The following MYO3A variants were observed in gnomAD, a reference collection of about 807,000 sequenced individuals.
MYO3A encodes the protein myosin IIIA.
In MYO3A, 180 loss-of-function variants were observed where a neutral mutation model predicts 192.7. The ratio of observed to expected loss-of-function variants is 0.93; its 90% confidence interval spans 0.83 to 1.06. The LOEUF (loss-of-function observed/expected upper bound fraction) is 1.06. Ranked by LOEUF, MYO3A falls within the 50% of genes least tolerant of loss-of-function variation. The probability of loss-of-function intolerance (pLI) is 0.00; values close to 1 mark genes in which losing one functional copy is unlikely to be tolerated. For synonymous variants in MYO3A, 628 were observed against 645.3 expected (o/e 0.97, Z 0.41); for missense variants, 1,896 against 1,905.0 (o/e 1.00, Z 0.09).
intron 17 of MYO3A, among the ~76,000 whole-genome samples, chr10:26,105,462 A>G (rs1449297938): frequency 6.6e-6 from 1 of 152,128 alleles, no homozygotes; most frequent in Admixed American, 6.5e-5. Flanking sequence ...AATATATTTG[A>G]ACATCTTTCT....
Position 25,966,051 on chromosome 10 carries a change from A to G in MYO3A, c.303+11043A>G, listed in dbSNP as rs1188463617. On this transcript the variant is annotated intron_variant, in intron 4 of 34. Transcript: ENST00000642920. ...GTGCTCACCAGATTTTCGGTTCTTA[A>G]GAAGGTGTTTTTTTCTGTGTACATA... Among the ~76,000 whole-genome samples the G allele has an allele frequency of 2.6e-5, 4 of 151,892 alleles. No individual in the cohort carries two copies. In the East Asian group the frequency reaches 7.7e-4, roughly 29 times the overall value.
intron 2 of MYO3A, among the ~76,000 whole-genome samples, chr10:25,941,948 T>C (rs1398066375): frequency 6.6e-6 from 1 of 152,098 alleles, no homozygotes; most frequent in Non-Finnish European, 1.5e-5. Context: ...AAGTTTCCTT[T>C]CTTTTTAAGG....
chr10:25,942,762 T>C (rs1249940513), intron 2 of MYO3A, among the ~76,000 whole-genome samples: 1 of 149,906 alleles, frequency 6.7e-6, no homozygotes, highest in African/African-American at 2.5e-5. Context: ...AAACTTCTAG[T>C]CAAATCCTTT....
At chr10:26,062,456 G>T (rs190919302) in intron 10 of MYO3A, among the ~76,000 whole-genome samples, 1 of 141,558 alleles carries the variant, frequency 7.1e-6, no homozygotes, top group African/African-American at 2.6e-5. Flanking sequence ...GGCAGAGGTT[G>T]CAGTGAGCCG....
Position 26,110,371 on chromosome 10 carries a change from G to A in MYO3A, c.1777-10305G>A, listed in dbSNP as rs377212779. Reference sequence around the variant, plus strand: ...CTATAAAATGGAACAAAAATCCATTGTTTAATGCATTTTCTCTGAGGGCTT... The same window carrying A: ...CTATAAAATGGAACAAAAATCCATTATTTAATGCATTTTCTCTGAGGGCTT... On this transcript the variant is annotated intron_variant, in intron 17 of 34. Transcript: ENST00000642920. Among the ~76,000 whole-genome samples the A allele has an allele frequency of 2.0e-5, 3 of 152,240 alleles. No homozygotes were observed. The East Asian group carries it at 5.8e-4, about 29-fold the overall frequency.
intron 32 of MYO3A, among the ~76,000 whole-genome samples, chr10:26,193,527 C>T (rs1336741271): frequency 1.3e-5 from 2 of 152,150 alleles, no homozygotes; most frequent in African/African-American, 2.4e-5. Context: ...CATGGTAGTA[C>T]CTACCATGTC....
At chr10:26,210,363 C>T (rs988868247) in intron 34 of MYO3A, among the ~76,000 whole-genome samples, 1 of 152,146 alleles carries the variant, frequency 6.6e-6, no homozygotes, top group Non-Finnish European at 1.5e-5. Context: ...AATGACAGTT[C>T]CATCCTTCCA....
intron 2 of MYO3A, among the ~76,000 whole-genome samples, chr10:25,939,299 T>C (rs931506092): frequency 6.6e-6 from 1 of 151,960 alleles, no homozygotes; most frequent in Non-Finnish European, 1.5e-5. Flanking sequence ...TAAAAAAAAT[T>C]ATCTTTAAAG....
At position 25,997,234 on chromosome 10, in the gene MYO3A, G is replaced by A. The variant is rs1382042407; in HGVS notation, c.484G>A (p.Gly162Ser). 6 of 1,613,102 alleles carry A rather than the reference G, an allele frequency of 3.7e-6. No individual in the cohort carries two copies. Among genetic ancestry groups the A allele is most frequent in the Non-Finnish European group, 4.2e-6 (5 of 1,179,270 alleles). ...KGNNILLTTE[G>S]GVKLVDFGVS... is the part of the protein sequence containing the mutation. ...CAATAACATTCTATTGACCACGGAA[G>A]GTGGAGTGAAACTAGTAGATTTTGG... The change falls in exon 6 of 35, where the codon GGT becomes AGT. Residue 162 changes from glycine to serine, a missense_variant. Physicochemically the swap from Gly to Ser is moderately conservative, Grantham distance 56. Coordinates refer to ENST00000642920, the MANE Select transcript of MYO3A (RefSeq NM_017433.5).
At chr10:26,027,841 A>G (rs1842625648) in intron 10 of MYO3A, among the ~76,000 whole-genome samples, 1 of 152,136 alleles carries the variant, frequency 6.6e-6, no homozygotes, top group African/African-American at 2.4e-5. Context: ...GGTAGTTACT[A>G]ATTGTTTTTA....
At chr10:26,090,844 G>A (rs908887705) in intron 15 of MYO3A, among the ~76,000 whole-genome samples, 1 of 152,210 alleles carries the variant, frequency 6.6e-6, no homozygotes, top group Admixed American at 6.5e-5. Flanking sequence ...GAAGCCCATG[G>A]ACTAACAGGG....
intron 10 of MYO3A, among the ~76,000 whole-genome samples, chr10:26,030,581 C>T (rs765287156): frequency 7.2e-5 from 11 of 152,056 alleles, no homozygotes; most frequent in African/African-American, 1.7e-4. Context: ...TTGAAGATCA[C>T]GAAAAATAAC....
rs149778082 is a variant in MYO3A, at chr10:26,199,283, C to T, written c.4546-1982C>T. ...TATTCTAACACAAGGCCACGCGCAG[C>T]GGCTCACACCTGTAATCCCAGCACT... On this transcript the variant is annotated intron_variant, in intron 32 of 34. Coordinates refer to ENST00000642920, the MANE Select transcript of MYO3A (RefSeq NM_017433.5). 4.0e-3 allele frequency among the ~76,000 whole-genome samples: 615 copies of T among 152,264 alleles called. 3 individuals carry two copies. Among genetic ancestry groups the T allele is most frequent in the African/African-American group, 0.014 (585 of 41,544 alleles).
chr10:26,153,597 A>G (rs1014762569), intron 23 of MYO3A, among the ~76,000 whole-genome samples: 4 of 152,242 alleles, frequency 2.6e-5, no homozygotes, highest in African/African-American at 9.6e-5. Flanking sequence ...TCTTCTAGCA[A>G]TTCAAAGGAA....
intron 4 of MYO3A, among the ~76,000 whole-genome samples, chr10:25,972,716 C>T (rs991735311): frequency 6.6e-6 from 1 of 152,136 alleles, no homozygotes; most frequent in Non-Finnish European, 1.5e-5. Context: ...TGTACAATCA[C>T]CCTGGAATGA....
At chr10:26,171,352 A>C (rs1384569764) in intron 29 of MYO3A, among the ~76,000 whole-genome samples, 4 of 152,084 alleles carry the variant, frequency 2.6e-5, no homozygotes, top group Non-Finnish European at 5.9e-5. Context: ...ATGAAATAGA[A>C]GAAGAGGTGG....
intron 4 of MYO3A, among the ~76,000 whole-genome samples, chr10:25,971,565 C>T (rs1351689201): frequency 1.3e-5 from 2 of 151,986 alleles, no homozygotes; most frequent in African/African-American, 4.8e-5. Flanking sequence ...ATTTTGTTTA[C>T]CTGGCAATGT....
At chr10:26,208,622 C>G (rs1844083463) in intron 34 of MYO3A, among the ~76,000 whole-genome samples, 1 of 152,176 alleles carries the variant, frequency 6.6e-6, no homozygotes, top group Non-Finnish European at 1.5e-5. Context: ...AAATTCAAGT[C>G]AGTAACTCAG....
chr10:26,173,826 A>C lies in MYO3A; in HGVS notation c.3562A>C (p.Thr1188Pro). The change falls in exon 30 of 35, where the codon ACT (threonine) becomes CCT (proline). Residue 1188 changes from threonine (T) to proline (P), a missense_variant. Transcript: ENST00000642920. The part of the protein sequence containing the change: ...AVESNNRVYQ[T>P]PKKMNNVYEE... ...GGAGAGTAACAACAGAGTGTATCAG[A>C]CTCCAAAAAAAATGAATAATGTGTA... The C allele has an allele frequency of 1.2e-6, 2 of 1,614,046 alleles. No homozygotes were observed. Among genetic ancestry groups the C allele is most frequent in the Non-Finnish European group, 1.7e-6 (2 of 1,180,024 alleles).
Sources: gnomAD v4.1 joint callset for allele counts (sites outside exome capture counted in the v4.1 genomes callset) on GRCh38, gnomAD v4.1.1 for gene constraint, MANE v1.5 for transcripts, NCBI Gene and HGNC (gene_info 2026-07-23, HGNC 2026-07-21) for gene names.